EHMT1: variants seen among roughly 807,000 people sequenced by gnomAD.
The protein encoded by EHMT1 is euchromatic histone lysine methyltransferase 1, also known as histone-lysine N-methyltransferase EHMT1.
EHMT1 carries 15 observed loss-of-function variants against 147.2 expected under a neutral mutation model. That is an observed-to-expected ratio of 0.10 (90% CI 0.07 to 0.16). EHMT1 has a LOEUF of 0.16. EHMT1 is among the 10% of genes least tolerant of loss of function. The pLI, the probability that EHMT1 is intolerant of heterozygous loss-of-function variation, is 1.00. For missense variants in EHMT1, 1,587 were observed against 1,772.4 expected, an observed-to-expected ratio of 0.90 and a Z score of 1.88; for synonymous variants, 795 against 709.6, an observed-to-expected ratio of 1.12 and a Z score of -1.91.
At chr9:137,667,344 C>T (rs1939781762) in intron 1 of EHMT1, 1 of 152,236 alleles carries the variant, frequency 6.6e-6, no homozygotes, top group Non-Finnish European at 1.5e-5. Flanking sequence ...TATTTGTTCT[C>T]ATCTCTTTGG....
At chr9:137,645,427 C>G (rs1024332196) in intron 1 of EHMT1, among the ~76,000 whole-genome samples, 2 of 152,226 alleles carry the variant, frequency 1.3e-5, no homozygotes, top group Non-Finnish European at 2.9e-5. Context: ...TTACTGCCTT[C>G]GTGTGCCAGC....
At chr9:137,676,888 AT>A (rs35944506) in intron 1 of EHMT1, among the ~76,000 whole-genome samples, 34,031 of 149,208 alleles carry the variant, frequency 0.23, 4,202 homozygotes, top group Admixed American at 0.33. Context: ...TTTGCTGAGA[AT>A]TTTTTTTTTT....
At chr9:137,729,713 C>T (rs370162646) in intron 4 of EHMT1, among the ~76,000 whole-genome samples, 1 of 152,174 alleles carries the variant, frequency 6.6e-6, no homozygotes, top group East Asian at 1.9e-4. Flanking sequence ...CCCCGGCCCC[C>T]CCATGTATTA....
chr9:137,804,549 G>C (rs1158009573), intron 18 of EHMT1, among the ~76,000 whole-genome samples: 1 of 152,174 alleles, frequency 6.6e-6, no homozygotes, highest in African/African-American at 2.4e-5. Context: ...GTCTTTGGAA[G>C]TGCAGAATTT....
chr9:137,795,055 A>G (rs1474436475), intron 16 of EHMT1: 1 of 152,208 alleles, frequency 6.6e-6, no homozygotes, highest in Non-Finnish European at 1.5e-5. Context: ...AAGCACAGTA[A>G]GTCTTCACTT....
At chr9:137,826,364 C>A (rs1955814418) in intron 25 of EHMT1, among the ~76,000 whole-genome samples, 2 of 152,220 alleles carry the variant, frequency 1.3e-5, no homozygotes, top group African/African-American at 4.8e-5. Flanking sequence ...GAAGAAGATG[C>A]ACTGGGTCAC....
At chr9:137,802,645 A>AC in intron 18 of EHMT1, 1 of 430,298 alleles carries the variant, frequency 2.3e-6, no homozygotes, top group Non-Finnish European at 3.9e-6. Flanking sequence ...TGCATTTGGA[A>AC]CCCCTCGCTG....
At chr9:137,818,536 CTG>C (rs1325163377) in intron 25 of EHMT1, among the ~76,000 whole-genome samples, 1 of 149,300 alleles carries the variant, frequency 6.7e-6, no homozygotes, top group Non-Finnish European at 1.5e-5. Flanking sequence ...TGTACCGAGA[CTG>C]TAGAGAGGCC....
chr9:137,660,813 CGT>C (rs1938998037), intron 1 of EHMT1, among the ~76,000 whole-genome samples: 1 of 152,156 alleles, frequency 6.6e-6, no homozygotes. Context: ...CTGATGCCAT[CGT>C]AAGTGATGGC....
intron 1 of EHMT1, among the ~76,000 whole-genome samples, chr9:137,641,914 C>T (rs1201917346): frequency 2.6e-5 from 4 of 152,008 alleles, no homozygotes; most frequent in African/African-American, 9.7e-5. Context: ...AACCTCTGCC[C>T]CCATGCCCTC....
chr9:137,830,798 T>G (rs1564839212), intron 25 of EHMT1, among the ~76,000 whole-genome samples: 2 of 152,204 alleles, frequency 1.3e-5, no homozygotes, highest in African/African-American at 4.8e-5. Flanking sequence ...GTTTTTTGAT[T>G]GTGTAAAATT....
chr9:137,640,621 C>T (rs1277575050), intron 1 of EHMT1, among the ~76,000 whole-genome samples: 1 of 152,190 alleles, frequency 6.6e-6, no homozygotes, highest in Non-Finnish European at 1.5e-5. Flanking sequence ...TACATGTTTT[C>T]TCTGAGCCCA....
chr9:137,710,157 T>TAA (rs59906024), intron 1 of EHMT1, among the ~76,000 whole-genome samples: 6 of 138,040 alleles, frequency 4.3e-5, no homozygotes, highest in East Asian at 2.1e-4. Flanking sequence ...GATTTTTGTG[T>TAA]AAAAAAAAAA....
At chr9:137,632,720 G>T (rs1843712855) in intron 1 of EHMT1, among the ~76,000 whole-genome samples, 1 of 152,178 alleles carries the variant, frequency 6.6e-6, no homozygotes, top group African/African-American at 2.4e-5. Context: ...ACTTTTTAGG[G>T]ATTACAGGCG....
At chr9:137,748,442 C>T (rs913183148) in intron 6 of EHMT1, among the ~76,000 whole-genome samples, 5 of 152,274 alleles carry the variant, frequency 3.3e-5, no homozygotes, top group Admixed American at 2.0e-4. Flanking sequence ...CCAGTGGGGC[C>T]GTCCTGGAGG....
intron 1 of EHMT1, among the ~76,000 whole-genome samples, chr9:137,701,121 G>A (rs1056058606): frequency 2.0e-5 from 3 of 151,990 alleles, no homozygotes; most frequent in Non-Finnish European, 2.9e-5. Context: ...AACAGCAAGG[G>A]GAACGTCCGC....
At position 137,831,692 on chromosome 9, in the gene EHMT1, T is replaced by A. The variant is rs2133087419; in HGVS notation, c.3541-2657T>A. Among the ~76,000 whole-genome samples, 4 of 152,296 alleles carry A rather than the reference T, an allele frequency of 2.6e-5. No homozygotes were observed. The East Asian group carries it at 7.7e-4, about 29-fold the overall frequency. ...AATACGTGTCTGTTGGCCCAGTGTC[T>A]GGTTCATCTCAAGGCTGGACTCAGT... is the stretch of plus-strand genomic sequence containing the variant. On this transcript the variant is annotated intron_variant, in intron 25 of 26. Transcript: ENST00000460843.
At chr9:137,694,138 G>A (rs576172180) in intron 1 of EHMT1, among the ~76,000 whole-genome samples, 25 of 101,376 alleles carry the variant, frequency 2.5e-4, no homozygotes, top group Non-Finnish European at 2.0e-5. Context: ...GGCGCAGGAC[G>A]CTGGCCGATA....
chr9:137,624,950 G>A (rs1250021168), intron 1 of EHMT1, among the ~76,000 whole-genome samples: 1 of 150,686 alleles, frequency 6.6e-6, no homozygotes, highest in Non-Finnish European at 1.5e-5. Flanking sequence ...TGACGCGATT[G>A]GGTTCACCGC....
Sources: allele counts gnomAD v4.1 joint callset (sites outside exome capture counted in the v4.1 genomes callset), GRCh38; gene constraint gnomAD v4.1.1; transcripts MANE v1.5; gene names NCBI Gene and HGNC (gene_info 2026-07-23, HGNC 2026-07-21).